VPS8: variants seen among roughly 807,000 people sequenced by gnomAD.
VPS8 encodes the protein vacuolar protein sorting-associated protein 8 homolog.
Under a neutral mutation model 216.4 loss-of-function variants are expected in VPS8, and 129 were observed. The observed-to-expected ratio is 0.60, with a 90% CI of 0.52 to 0.69. The LOEUF (loss-of-function observed/expected upper bound fraction) is 0.69. VPS8 is among the 30% of genes least tolerant of loss of function. The pLI, the probability that VPS8 is intolerant of heterozygous loss-of-function variation, is 0.00. For missense variants in VPS8, 1,531 were observed against 1,683.5 expected (o/e 0.91, Z 1.59); for synonymous variants, 571 against 565.4 (o/e 1.01, Z -0.14).
At chr3:184,846,761 A>G (rs939650357) in intron 8 of VPS8, among the ~76,000 whole-genome samples, 7 of 152,252 alleles carry the variant, frequency 4.6e-5, no homozygotes, top group African/African-American at 1.7e-4. Flanking sequence ...TATACATGTG[A>G]CCCAGAGTAG....
At chr3:185,046,731 G>A (rs1260352900) in intron 46 of VPS8, among the ~76,000 whole-genome samples, 1 of 152,184 alleles carries the variant, frequency 6.6e-6, no homozygotes, top group Non-Finnish European at 1.5e-5. Flanking sequence ...GCAAAGTAGA[G>A]TTTTACAGAT....
At chr3:184,939,896 C>T (rs1024462214) in intron 35 of VPS8, among the ~76,000 whole-genome samples, 94 of 152,076 alleles carry the variant, frequency 6.2e-4, no homozygotes, top group Non-Finnish European at 1.5e-4. Flanking sequence ...CCTGCCACTC[C>T]GAGGGTCCTT....
intron 23 of VPS8, 56 bp from the exon 24 acceptor site, chr3:184,898,509 A>G: frequency 7.4e-7 from 1 of 1,342,842 alleles, no homozygotes. Context: ...TTAAAGCATT[A>G]AGGAAAATAA....
intron 21 of VPS8, chr3:184,882,482 G>A (rs1057053613): frequency 3.1e-5 from 13 of 417,596 alleles, no homozygotes; most frequent in Non-Finnish European, 5.7e-5. Context: ...AATATTTTGT[G>A]AAGGACTTTT....
In VPS8 at chr3:184,824,630, A is replaced by G. The variant is rs1324399204; in HGVS notation, c.-3A>G. 3 of 1,613,234 alleles carry G rather than the reference A, an allele frequency of 1.9e-6. No homozygotes were observed. Among genetic ancestry groups the G allele is most frequent in the Non-Finnish European group, 2.5e-6 (3 of 1,179,630 alleles). On this transcript the variant is annotated 5_prime_UTR_variant, in exon 2 of 48. Coordinates refer to ENST00000625842, the MANE Select transcript of VPS8 (RefSeq NM_001009921.3). ...GGACTGAATACTGTTATTAGAAGTAAATATGGAAAATGAACCAGACCATGA... is the reference window on the plus strand; with the variant it reads ...GGACTGAATACTGTTATTAGAAGTAGATATGGAAAATGAACCAGACCATGA...
chr3:185,029,217 C>T (rs1757778506), intron 46 of VPS8, among the ~76,000 whole-genome samples: 2 of 152,222 alleles, frequency 1.3e-5, no homozygotes, highest in Admixed American at 1.3e-4. Flanking sequence ...TACAGTCTCT[C>T]TTCCCAAAGT....
intron 39 of VPS8, among the ~76,000 whole-genome samples, chr3:184,967,035 T>C (rs1747536532): frequency 6.6e-6 from 1 of 152,082 alleles, no homozygotes; most frequent in South Asian, 2.1e-4. Context: ...GGCACAATCT[T>C]GGCTCACTGC....
intron 34 of VPS8, among the ~76,000 whole-genome samples, chr3:184,935,244 A>T (rs746820930): frequency 5.3e-5 from 8 of 152,110 alleles, no homozygotes; most frequent in Non-Finnish European, 1.2e-4. Flanking sequence ...ATTTTGTCTG[A>T]ATTTCCAAAT....
intron 40 of VPS8, among the ~76,000 whole-genome samples, chr3:184,976,383 C>CT (rs1032466821): frequency 5.8e-4 from 85 of 147,626 alleles, no homozygotes; most frequent in African/African-American, 1.4e-3. Context: ...TGTATTTGGA[C>CT]TTTTTTTTTT....
intron 42 of VPS8, among the ~76,000 whole-genome samples, chr3:184,987,794 A>T (rs1036936343): frequency 1.3e-5 from 2 of 152,214 alleles, no homozygotes; most frequent in Admixed American, 6.5e-5. Flanking sequence ...TTACTTTTGT[A>T]AGAAACTGCC....
intron 29 of VPS8, among the ~76,000 whole-genome samples, chr3:184,923,942 C>T (rs1739104350): frequency 6.6e-6 from 1 of 152,148 alleles, no homozygotes. Context: ...ATCATTTGTG[C>T]CCTTATAATA....
At chr3:184,946,117 G>A (rs772392535) in intron 36 of VPS8, among the ~76,000 whole-genome samples, 13 of 152,166 alleles carry the variant, frequency 8.5e-5, no homozygotes, top group Non-Finnish European at 1.8e-4. Context: ...ACGATGTCTG[G>A]CCATATGACT....
intron 13 of VPS8, among the ~76,000 whole-genome samples, chr3:184,854,682 C>T (rs547063129): frequency 6.6e-6 from 1 of 152,320 alleles, no homozygotes; most frequent in East Asian, 1.9e-4. Context: ...GGCTTATACT[C>T]ACTGCCTGCA....
At chr3:185,012,129 A>C (rs1054964479) in intron 45 of VPS8, among the ~76,000 whole-genome samples, 3 of 151,522 alleles carry the variant, frequency 2.0e-5, no homozygotes, top group Non-Finnish European at 4.4e-5. Flanking sequence ...AGGCAAAAAT[A>C]ATTGAAGAAA....
intron 45 of VPS8, among the ~76,000 whole-genome samples, chr3:185,024,052 C>G (rs1245861822): frequency 1.3e-5 from 2 of 152,202 alleles, no homozygotes; most frequent in Admixed American, 1.3e-4. Flanking sequence ...AACATCATCA[C>G]CAAAGATCTA....
chr3:184,945,049 C>A (rs919445802), intron 36 of VPS8, among the ~76,000 whole-genome samples: 5 of 151,940 alleles, frequency 3.3e-5, no homozygotes, highest in African/African-American at 4.8e-5. Context: ...CTGGCTTACC[C>A]CTAGATCTTA....
At chr3:184,967,974 A>G (rs1313676642) in intron 39 of VPS8, among the ~76,000 whole-genome samples, 1 of 151,894 alleles carries the variant, frequency 6.6e-6, no homozygotes, top group African/African-American at 2.4e-5. Flanking sequence ...ACCCCCATCC[A>G]CCTCCAAATT....
Position 184,898,603 on chromosome 3 carries a change from T to C in VPS8, c.2043T>C (p.Ala681=). ...LMCWENRLYD[A]MIYVYNRGMN... ...GTTGGGAAAATCGTTTATATGATGC[T>C]ATGATCTATGTCTACAACAGAGGCA... Residue 681 remains alanine (A), a synonymous_variant, in exon 24 of 48, where the codon GCT becomes GCC. Transcript: ENST00000625842. The C allele has an allele frequency of 6.4e-7, 1 of 1,555,382 alleles. No individual in the cohort carries two copies.
At chr3:184,901,963 C>T (rs539652525) in intron 25 of VPS8, among the ~76,000 whole-genome samples, 2 of 152,280 alleles carry the variant, frequency 1.3e-5, no homozygotes, top group South Asian at 4.1e-4. Context: ...GTTTTAAAAT[C>T]TTCTTAAAAC....
Sources: gnomAD v4.1 joint callset for allele counts (sites outside exome capture counted in the v4.1 genomes callset) on GRCh38, gnomAD v4.1.1 for gene constraint, MANE v1.5 for transcripts, NCBI Gene and HGNC (gene_info 2026-07-23, HGNC 2026-07-21) for gene names.